Variants in HDAC8 observed in about 807,000 individuals in gnomAD.
HDAC8 encodes the protein histone deacetylase 8, also known as histone deacetylase-like 1.
In HDAC8, 1 loss-of-function variant was observed where a neutral mutation model predicts 32.2. The observed-to-expected ratio is 0.03, with a 90% CI of 0.01 to 0.15. The LOEUF is 0.15. Among genes scored for constraint, HDAC8 ranks in the 10% least tolerant of loss-of-function variants. The probability of loss-of-function intolerance (pLI) is 1.00; values close to 1 mark genes in which losing one functional copy is unlikely to be tolerated. For missense variants in HDAC8, 117 were observed against 300.0 expected (o/e 0.39, Z 4.51); for synonymous variants, 108 against 113.9 (o/e 0.95, Z 0.33).
rs1418489887 is a variant in HDAC8, at chrX:72,361,731, A to AT, written c.1006-9894_1006-9893insA. Among the ~76,000 whole-genome samples, 16 of 110,231 alleles carry AT rather than the reference A, an allele frequency of 1.5e-4. No individual in the cohort carries two copies. In the East Asian group the frequency reaches 3.4e-3, roughly 24 times the overall value. ...GCAAGCTGAGTACCAAAAAAAAAAA[A>AT]AAATAAGGTCTGGTGACTGCTCTCA... On this transcript the variant is annotated intron_variant, in intron 9 of 10. Transcript: ENST00000373573.
At chrX:72,393,184 T>C (rs1555964476) in intron 9 of HDAC8, among the ~76,000 whole-genome samples, 2 of 111,756 alleles carry the variant, frequency 1.8e-5, no homozygotes, top group African/African-American at 6.5e-5. Context: ...AGCCCAGAGG[T>C]AAGCAAAGTT....
intron 10 of HDAC8, among the ~76,000 whole-genome samples, chrX:72,339,398 G>T (rs782449566): frequency 8.9e-6 from 1 of 112,392 alleles, no homozygotes; most frequent in Non-Finnish European, 1.9e-5. Context: ...ACACATTATA[G>T]TCCACAGCAG....
At chrX:72,511,604 G>A (rs2049589395) in intron 4 of HDAC8, among the ~76,000 whole-genome samples, 1 of 111,943 alleles carries the variant, frequency 8.9e-6, no homozygotes, top group Non-Finnish European at 1.9e-5. Flanking sequence ...GGTGTGGATA[G>A]GAGGAAATGC....
intron 7 of HDAC8, among the ~76,000 whole-genome samples, chrX:72,482,603 G>T (rs782811097): frequency 4.8e-4 from 31 of 65,035 alleles, no homozygotes; most frequent in Non-Finnish European, 1.2e-3. Context: ...TTTCTATTTT[G>T]GGGGGGGGGA....
chrX:72,553,214 T>C (rs1367475947), intron 4 of HDAC8, among the ~76,000 whole-genome samples: 15 of 110,558 alleles, frequency 1.4e-4, no homozygotes, highest in Admixed American at 1.3e-3. Flanking sequence ...CCAGCTAATG[T>C]TTTGTATTTT....
At chrX:72,486,926 G>A (rs2048695028) in intron 7 of HDAC8, among the ~76,000 whole-genome samples, 1 of 111,327 alleles carries the variant, frequency 9.0e-6, no homozygotes, top group Non-Finnish European at 1.9e-5. Context: ...GACTTCTGAA[G>A]GAAAGCAAAG....
At chrX:72,389,367 G>C (rs1210667636) in intron 9 of HDAC8, among the ~76,000 whole-genome samples, 1 of 112,149 alleles carries the variant, frequency 8.9e-6, no homozygotes, top group Non-Finnish European at 1.9e-5. Context: ...GGAGTTTTGT[G>C]AGGCTTAAAT....
Position 72,431,457 on chromosome X carries a change from T to C in HDAC8, c.1005+30547A>G, listed in dbSNP as rs1028453375. 7.1e-5 allele frequency among the ~76,000 whole-genome samples: 8 copies of C among 111,911 alleles called. No homozygotes were observed. In the East Asian group the frequency reaches 2.2e-3, roughly 31 times the overall value. On this transcript the variant is annotated intron_variant, in intron 9 of 10. Coordinates refer to ENST00000373573, the MANE Select transcript of HDAC8 (RefSeq NM_018486.3). Reference sequence around the variant, plus strand: ...CCTGTCATCCCCTCATTCTTGGACATTTAGGACAGTTCCACTTTTTTGTTA... The same window carrying C: ...CCTGTCATCCCCTCATTCTTGGACACTTAGGACAGTTCCACTTTTTTGTTA...
intron 4 of HDAC8, among the ~76,000 whole-genome samples, chrX:72,530,354 T>C (rs1475014550): frequency 1.8e-5 from 2 of 111,215 alleles, no homozygotes; most frequent in South Asian, 3.8e-4. Flanking sequence ...ACCTGAGATA[T>C]AGAAATAAGA....
intron 4 of HDAC8, among the ~76,000 whole-genome samples, chrX:72,532,996 T>A (rs1430370535): frequency 8.9e-6 from 1 of 112,048 alleles, no homozygotes; most frequent in East Asian, 2.8e-4. Flanking sequence ...TAGTTTTAGT[T>A]CTTACATTTA....
chrX:72,370,194 C>T (rs1432947821), intron 9 of HDAC8, among the ~76,000 whole-genome samples: 2 of 112,084 alleles, frequency 1.8e-5, no homozygotes, highest in Non-Finnish European at 3.8e-5. Context: ...TTCCATAAGG[C>T]CTGAAATTTT....
intron 9 of HDAC8, among the ~76,000 whole-genome samples, chrX:72,418,007 C>T (rs959278461): frequency 9.0e-6 from 1 of 111,192 alleles, no homozygotes. Flanking sequence ...GGGAAAACTA[C>T]TTGCAGAAGA....
chrX:72,337,438 T>A (rs1325435739), intron 10 of HDAC8, among the ~76,000 whole-genome samples: 1 of 111,958 alleles, frequency 8.9e-6, no homozygotes, highest in Admixed American at 9.4e-5. Context: ...TGCTTTTTTT[T>A]TCCTTCATGA....
intron 9 of HDAC8, among the ~76,000 whole-genome samples, chrX:72,435,933 A>G (rs187482087): frequency 2.8e-4 from 31 of 111,305 alleles, no homozygotes; most frequent in African/African-American, 9.8e-4. Flanking sequence ...GTGCCACTGC[A>G]CTCCAGCCTG....
intron 7 of HDAC8, among the ~76,000 whole-genome samples, chrX:72,477,201 T>A (rs2048360632): frequency 8.9e-6 from 1 of 111,813 alleles, no homozygotes; most frequent in African/African-American, 3.3e-5. Flanking sequence ...TTGGAGTCAT[T>A]CCAAACTATA....
intron 10 of HDAC8, among the ~76,000 whole-genome samples, chrX:72,345,727 C>T (rs1201820814): frequency 9.0e-6 from 1 of 111,695 alleles, no homozygotes; most frequent in Admixed American, 9.5e-5. Context: ...GTCACCTAGG[C>T]TGGAGTGCAG....
chrX:72,366,547 C>T (rs1346175132), intron 9 of HDAC8, among the ~76,000 whole-genome samples: 3 of 112,358 alleles, frequency 2.7e-5, no homozygotes, highest in African/African-American at 6.5e-5. Context: ...TCTAGTGTAA[C>T]TGTTTTTGTG....
intron 9 of HDAC8, among the ~76,000 whole-genome samples, chrX:72,414,120 G>C (rs1555971075): frequency 8.9e-6 from 1 of 112,155 alleles, no homozygotes; most frequent in East Asian, 2.8e-4. Flanking sequence ...GCAGCCACTG[G>C]TTTTACCCAT....
intron 10 of HDAC8, among the ~76,000 whole-genome samples, chrX:72,334,552 G>A (rs1226572031): frequency 3.6e-5 from 4 of 111,352 alleles, no homozygotes; most frequent in African/African-American, 9.8e-5. Flanking sequence ...CAGTCCTGTC[G>A]GCCCCATGGG....
Sources: gnomAD v4.1 joint callset for allele counts (sites outside exome capture counted in the v4.1 genomes callset) on GRCh38, gnomAD v4.1.1 for gene constraint, MANE v1.5 for transcripts, NCBI Gene and HGNC (gene_info 2026-07-23, HGNC 2026-07-21) for gene names.